GUCY1A1: variants seen among roughly 807,000 people sequenced by gnomAD.
GUCY1A1 encodes the protein guanylate cyclase soluble subunit alpha-1.
In GUCY1A1, 48 loss-of-function variants were observed where a neutral mutation model predicts 64.5. The observed-to-expected ratio is 0.74, with a 90% CI of 0.59 to 0.95. The LOEUF (loss-of-function observed/expected upper bound fraction) is 0.95. Among genes scored for constraint, GUCY1A1 ranks in the 40% least tolerant of loss-of-function variants. GUCY1A1 has a pLI of 0.00. For synonymous variants in GUCY1A1, 308 were observed against 303.4 expected (o/e 1.02, Z -0.16); for missense variants, 804 against 825.3 (o/e 0.97, Z 0.32).
intron 5 of GUCY1A1, 76 bp from the exon 6 acceptor site, chr4:155,710,466 T>G: frequency 1.1e-6 from 1 of 904,770 alleles, no homozygotes; most frequent in Non-Finnish European, 1.7e-6. Flanking sequence ...TAACGCAAGT[T>G]GAAAATAGGA....
At chr4:155,674,374 A>G (rs1318868490) in intron 2 of GUCY1A1, among the ~76,000 whole-genome samples, 1 of 151,020 alleles carries the variant, frequency 6.6e-6, no homozygotes, top group Non-Finnish European at 1.5e-5. Context: ...AGAAAGAAAG[A>G]AAGAAACAAA....
intron 2 of GUCY1A1, among the ~76,000 whole-genome samples, chr4:155,670,494 T>C (rs1380456613): frequency 1.3e-5 from 2 of 152,218 alleles, no homozygotes; most frequent in Admixed American, 1.3e-4. Context: ...ATTATATATG[T>C]AATTTTTCTT....
intron 3 of GUCY1A1, among the ~76,000 whole-genome samples, chr4:155,703,314 C>A (rs1731335248): frequency 6.6e-6 from 1 of 152,116 alleles, no homozygotes; most frequent in Admixed American, 6.5e-5. Flanking sequence ...AAACCCAAGG[C>A]TCATTTCAAA....
chr4:155,720,639 G>A (rs548708261), intron 8 of GUCY1A1, among the ~76,000 whole-genome samples: 3 of 152,082 alleles, frequency 2.0e-5, no homozygotes, highest in Non-Finnish European at 4.4e-5. Flanking sequence ...TGAAAATTTT[G>A]TAGAACTCAT....
intron 5 of GUCY1A1, 139 bp from the exon 6 acceptor site, chr4:155,710,403 T>A: frequency 1.7e-6 from 1 of 586,804 alleles, no homozygotes; most frequent in Non-Finnish European, 3.0e-6. Flanking sequence ...TATAGGGGTT[T>A]CATTTTGGTT....
chr4:155,696,887 A>G lies in GUCY1A1; in HGVS notation c.20A>G (p.Lys7Arg). The change falls in exon 3 of 10, where the codon AAG becomes AGG. Residue 7 changes from lysine to arginine, a missense_variant. By Grantham distance (26) the Lys-to-Arg change is conservative (BLOSUM62 2). Coordinates refer to ENST00000506455, the MANE Select transcript of GUCY1A1 (RefSeq NM_001130682.3). MFCTKL[K>R]DLKITGECPF... ...AACACCATGTTCTGCACGAAGCTCA[A>G]GGATCTCAAGATCACAGGAGAGTGT... 1.2e-6 allele frequency: 2 copies of G among 1,613,638 alleles called. No individual in the cohort carries two copies. Among genetic ancestry groups the G allele is most frequent in the Non-Finnish European group, 1.7e-6 (2 of 1,179,626 alleles).
In GUCY1A1 at chr4:155,732,582, A is replaced by G. The variant is rs1003998786; in HGVS notation, c.*2351A>G. On this transcript the variant is annotated 3_prime_UTR_variant, in exon 10 of 10. Transcript: ENST00000506455. ...GCGAGAAACTTTTCAGATCCAGACC[A>G]CTGATGGTAGCCAGAGTAGAGACCC... Among the ~76,000 whole-genome samples, 1 of 151,914 alleles carries G rather than the reference A, an allele frequency of 6.6e-6. No individual in the cohort carries two copies. The highest frequency in any genetic ancestry group is 1.5e-5 in the Non-Finnish European group (1 of 67,886).
intron 2 of GUCY1A1, among the ~76,000 whole-genome samples, chr4:155,695,039 A>C (rs1329153646): frequency 6.6e-6 from 1 of 152,180 alleles, no homozygotes; most frequent in Non-Finnish European, 1.5e-5. Context: ...TCTACTCATA[A>C]ATGCATAGGA....
At chr4:155,705,681 T>C (rs1009261384) in intron 4 of GUCY1A1, among the ~76,000 whole-genome samples, 1 of 152,206 alleles carries the variant, frequency 6.6e-6, no homozygotes, top group African/African-American at 2.4e-5. Flanking sequence ...ACCAGCACTA[T>C]TGTCAGGAAT....
chr4:155,721,753 T>A (rs1733979880), intron 8 of GUCY1A1, among the ~76,000 whole-genome samples: 2 of 152,092 alleles, frequency 1.3e-5, no homozygotes. Flanking sequence ...GTTACTATGA[T>A]CCCTGTGCAT....
intron 2 of GUCY1A1, among the ~76,000 whole-genome samples, chr4:155,684,231 T>C (rs1730160635): frequency 6.6e-6 from 1 of 152,214 alleles, no homozygotes; most frequent in African/African-American, 2.4e-5. Flanking sequence ...TTGGATTTAA[T>C]GGGAAAAGAC....
rs370177856 is a variant in GUCY1A1 at position 155,731,773 on chromosome 4, A to G, written c.*1542A>G. 1 of 151,756 alleles carries G rather than the reference A, an allele frequency of 6.6e-6. No homozygotes were observed. The highest frequency in any genetic ancestry group is 1.9e-4 in the East Asian group (1 of 5,156). The allele number at this position is 151,756 out of a possible 1,614,324, so 9.4% of individuals were successfully genotyped here. On this transcript the variant is annotated 3_prime_UTR_variant, in exon 10 of 10. Transcript: ENST00000506455. ...TAAAACTTCTTTAACTGCCTCCCTT[A>G]GTACCCAGGCTAGCCCATGGTGACA... is the stretch of plus-strand genomic sequence containing the variant.
At position 155,703,959 on chromosome 4, in the gene GUCY1A1, A is replaced by C; in HGVS notation, c.283A>C (p.Arg95=). ...EFERLNVALQ[R]TLAKHKIKES... ...TGAACGGCTGAATGTTGCACTTCAG[A>C]GAACATTGGCAAAGCACAAAATAAA... Residue 95 remains arginine (R), a synonymous_variant, in exon 4 of 10, where the codon AGA becomes CGA. Transcript: ENST00000506455. The C allele has an allele frequency of 6.2e-7, 1 of 1,608,608 alleles. No individual in the cohort carries two copies. The highest frequency in any genetic ancestry group is 2.2e-5 in the East Asian group (1 of 44,840).
At chr4:155,670,856 G>C (rs1160392738) in intron 2 of GUCY1A1, among the ~76,000 whole-genome samples, 1 of 152,134 alleles carries the variant, frequency 6.6e-6, no homozygotes, top group Admixed American at 6.6e-5. Flanking sequence ...TTAGCAGGAA[G>C]TCGACACGAG....
intron 7 of GUCY1A1, among the ~76,000 whole-genome samples, chr4:155,716,651 C>G (rs1733269820): frequency 6.6e-6 from 1 of 152,094 alleles, no homozygotes; most frequent in African/African-American, 2.4e-5. Context: ...TTTAGAAGAA[C>G]CGTTTCTCTT....
intron 3 of GUCY1A1, among the ~76,000 whole-genome samples, chr4:155,702,123 C>G (rs182368125): frequency 2.7e-4 from 41 of 152,176 alleles, no homozygotes; most frequent in African/African-American, 8.4e-4. Context: ...ACACTCTCTG[C>G]CCTTTTGGAG....
At chr4:155,712,496 G>A (rs1732705486) in intron 6 of GUCY1A1, among the ~76,000 whole-genome samples, 1 of 152,128 alleles carries the variant, frequency 6.6e-6, no homozygotes, top group South Asian at 2.1e-4. Context: ...ACATGTGCAA[G>A]TAAACCTTCT....
At position 155,730,313 on chromosome 4, in the gene GUCY1A1, TAGATGGCTA is replaced by T; in HGVS notation, c.*84_*92del. 6 of 790,550 alleles carry T rather than the reference TAGATGGCTA, an allele frequency of 7.6e-6. No individual in the cohort carries two copies. The highest frequency in any genetic ancestry group is 1.7e-5 in the African/African-American group (1 of 57,826). 49.0% of individuals were successfully genotyped at this position (790,550 alleles called of 1,614,324 possible). A position where few individuals can be genotyped will look rare whatever the true frequency, so the allele number is the denominator to read the frequency against. ...GCCTCTGAAAGCACTTTAGGGATTG[TAGATGGCTA>T]ACAAGCAGTATTAAAATTTCAGGAG... On this transcript the variant is annotated 3_prime_UTR_variant, in exon 10 of 10. Coordinates refer to ENST00000506455, the MANE Select transcript of GUCY1A1 (RefSeq NM_001130682.3).
intron 2 of GUCY1A1, among the ~76,000 whole-genome samples, chr4:155,671,636 A>G (rs1734153935): frequency 6.6e-6 from 1 of 152,174 alleles, no homozygotes; most frequent in Admixed American, 6.5e-5. Context: ...ATTATTTGTC[A>G]ACACTCATCT....
Sources: gnomAD v4.1 joint callset for allele counts (sites outside exome capture counted in the v4.1 genomes callset) on GRCh38, gnomAD v4.1.1 for gene constraint, MANE v1.5 for transcripts, NCBI Gene and HGNC (gene_info 2026-07-23, HGNC 2026-07-21) for gene names.